KIF1B: variants seen among roughly 807,000 people sequenced by gnomAD.
KIF1B encodes the protein kinesin family member 1B, also known as kinesin-like protein KIF1B.
In KIF1B, 76 loss-of-function variants were observed where a neutral mutation model predicts 241.9. That is an observed-to-expected ratio of 0.31 (90% confidence interval 0.26 to 0.38). The LOEUF (loss-of-function observed/expected upper bound fraction) is 0.38. Among genes scored for constraint, KIF1B ranks in the 10% least tolerant of loss-of-function variants. The probability of loss-of-function intolerance (pLI) is 1.00; values close to 1 mark genes in which losing one functional copy is unlikely to be tolerated. For missense variants in KIF1B, 1,622 were observed against 2,271.4 expected, an observed-to-expected ratio of 0.71 and a Z score of 5.81; for synonymous variants, 750 against 796.7, an observed-to-expected ratio of 0.94 and a Z score of 0.99.
At chr1:10,267,836 G>A (rs373811204) in intron 6 of KIF1B, among the ~76,000 whole-genome samples, 1 of 152,058 alleles carries the variant, frequency 6.6e-6, no homozygotes. Context: ...GTATATATGC[G>A]GCTGTGGTAG....
intron 37 of KIF1B, among the ~76,000 whole-genome samples, chr1:10,351,077 A>AAC (rs1461622971): frequency 3.4e-5 from 5 of 145,802 alleles, no homozygotes; most frequent in Non-Finnish European, 7.8e-5. Context: ...CCCTGTCAAA[A>AAC]AAAAAAAAAA....
chr1:10,238,839 A>T (rs1647094450), intron 2 of KIF1B, among the ~76,000 whole-genome samples: 1 of 152,228 alleles, frequency 6.6e-6, no homozygotes, highest in Admixed American at 6.5e-5. Context: ...TAAATTATGA[A>T]CATTGTGAAT....
At position 10,378,272 on chromosome 1, in the gene KIF1B, G is replaced by A; in HGVS notation, c.*1685G>A. ...CGTGTTCCCTGCTCCTCTCCATCTG[G>A]TGTGGAAACACTGCCCAGGGAGAAA... On this transcript the variant is annotated 3_prime_UTR_variant, in exon 49 of 49. Coordinates refer to ENST00000676179, the MANE Select transcript of KIF1B (RefSeq NM_001365951.3). 1.4e-6 allele frequency: 1 copy of A among 716,754 alleles called. No individual in the cohort carries two copies. Among genetic ancestry groups the A allele is most frequent in the Non-Finnish European group, 2.6e-6 (1 of 384,898 alleles). The allele number at this position is 716,754 out of a possible 1,614,324, so 44.4% of individuals were successfully genotyped here. A position where few individuals can be genotyped will look rare whatever the true frequency, so the allele number is the denominator to read the frequency against.
intron 5 of KIF1B, among the ~76,000 whole-genome samples, chr1:10,264,991 C>T (rs1648370172): frequency 1.3e-5 from 2 of 151,382 alleles, no homozygotes; most frequent in African/African-American, 4.9e-5. Flanking sequence ...TTTTTTAAGA[C>T]AAGGTCTTGC....
At chr1:10,275,924 T>C (rs1414712174) in intron 11 of KIF1B, among the ~76,000 whole-genome samples, 2 of 137,870 alleles carry the variant, frequency 1.5e-5, no homozygotes, top group African/African-American at 5.7e-5. Flanking sequence ...TTTTTTTTTT[T>C]GAGATGGAGT....
At chr1:10,304,788 A>G (rs1650744627) in intron 22 of KIF1B, 3 of 1,511,592 alleles carry the variant, frequency 2.0e-6, no homozygotes, top group African/African-American at 2.8e-5. Flanking sequence ...TTAAGACAAA[A>G]CACTGGTAAA....
intron 32 of KIF1B, 133 bp from the exon 33 acceptor site, chr1:10,341,917 C>T (rs1652407035): frequency 1.4e-6 from 1 of 706,940 alleles, no homozygotes; most frequent in African/African-American, 1.8e-5. Context: ...GCCGCATGAG[C>T]CTTGTTTGCG....
chr1:10,265,480 C>T (rs1475387557), intron 5 of KIF1B, among the ~76,000 whole-genome samples: 1 of 152,056 alleles, frequency 6.6e-6, no homozygotes, highest in Non-Finnish European at 1.5e-5. Context: ...AAGCAATCTG[C>T]CCACCTTGAC....
Position 10,261,899 on chromosome 1 carries a change from C to G in KIF1B, c.364-6C>G, listed in dbSNP as rs1020574675. On this transcript the variant is annotated splice_region_variant and splice_polypyrimidine_tract_variant and intron_variant, in intron 4 of 48. Coordinates refer to ENST00000676179, the MANE Select transcript of KIF1B (RefSeq NM_001365951.3). ...TCTTCATGCCTCTCTCATTCTACTTCCCTAGTTATGTGAAGAACTTTTTGA... is the reference window on the plus strand; with the variant it reads ...TCTTCATGCCTCTCTCATTCTACTTGCCTAGTTATGTGAAGAACTTTTTGA... The G allele has an allele frequency of 2.5e-6, 4 of 1,594,576 alleles. No individual in the cohort carries two copies. Among genetic ancestry groups the G allele is most frequent in the Non-Finnish European group, 3.4e-6 (4 of 1,162,338 alleles).
intron 3 of KIF1B, 111 bp downstream of exon 3, chr1:10,256,434 G>C (rs1376295272): frequency 2.6e-6 from 2 of 782,302 alleles, no homozygotes; most frequent in Non-Finnish European, 4.6e-6. Flanking sequence ...CTTAACTGTT[G>C]TGTAGCATGA....
chr1:10,258,706 C>T (rs371733271), intron 4 of KIF1B, 34 bp downstream of exon 4: 2 of 1,600,750 alleles, frequency 1.2e-6, no homozygotes, highest in Non-Finnish European at 1.7e-6. Flanking sequence ...ATCTTCTCTT[C>T]ATTATTAGTG....
chr1:10,252,386 T>TTGTTG (rs1647503565), intron 2 of KIF1B, among the ~76,000 whole-genome samples: 11 of 149,824 alleles, frequency 7.3e-5, no homozygotes, highest in African/African-American at 2.7e-4. Context: ...TTGTGGGGTT[T>TTGTTG]TTGTTGTTGT....
In KIF1B at chr1:10,379,406, C is replaced by A. The variant is rs1050522204; in HGVS notation, c.*2819C>A. The A allele has an allele frequency of 4.3e-6, 1 of 231,214 alleles. No individual in the cohort carries two copies. The highest frequency in any genetic ancestry group is 8.6e-6 in the Non-Finnish European group (1 of 116,584). The allele number at this position is 231,214 out of a possible 1,614,324, so 14.3% of individuals were successfully genotyped here. A position where few individuals can be genotyped will look rare whatever the true frequency, so the allele number is the denominator to read the frequency against. ...CCTGCGTGCTCTTCACCCTCTGGGG[C>A]GCCCCTGCTGCGGCTGGCAGGTGCA... On this transcript the variant is annotated 3_prime_UTR_variant, in exon 49 of 49. Transcript: ENST00000676179.
At chr1:10,331,592 A>G (rs1199975531) in intron 27 of KIF1B, among the ~76,000 whole-genome samples, 2 of 152,084 alleles carry the variant, frequency 1.3e-5, no homozygotes, top group East Asian at 3.8e-4. Flanking sequence ...CATAATTTTC[A>G]TTACTTTGAG....
intron 2 of KIF1B, among the ~76,000 whole-genome samples, chr1:10,240,452 C>T (rs531626527): frequency 3.9e-5 from 6 of 152,232 alleles, no homozygotes; most frequent in African/African-American, 1.4e-4. Context: ...AAGTAATCCA[C>T]CTGTCTTGTC....
intron 22 of KIF1B, among the ~76,000 whole-genome samples, chr1:10,309,395 G>C (rs557177132): frequency 6.6e-6 from 1 of 152,332 alleles, no homozygotes; most frequent in East Asian, 1.9e-4. Context: ...AGTGTGATAT[G>C]TGTAGTGACA....
At chr1:10,214,673 C>A (rs1646739873) in intron 1 of KIF1B, among the ~76,000 whole-genome samples, 1 of 151,282 alleles carries the variant, frequency 6.6e-6, no homozygotes, top group South Asian at 2.1e-4. Context: ...ACCTCCACCT[C>A]CTGGGTTCAA....
chr1:10,339,799 C>T lies in KIF1B; in HGVS notation c.3453C>T (p.Ser1151=). Residue 1151 remains serine (S), a synonymous_variant, in exon 32 of 49, where the codon TCC becomes TCT. Transcript: ENST00000676179. ...NFLHRHDEAF[S]TEPLKNNGRG... is the part of the protein sequence containing the mutation. ...TGCATCGCCATGATGAAGCATTCTC[C>T]ACGGAGCCCCTCAAAAACAATGGCA... 1 of 1,614,074 alleles carries T rather than the reference C, an allele frequency of 6.2e-7. No homozygotes were observed. Among genetic ancestry groups the T allele is most frequent in the Non-Finnish European group, 8.5e-7 (1 of 1,179,980 alleles).
At chr1:10,361,518 G>A (rs928290436) in intron 39 of KIF1B, among the ~76,000 whole-genome samples, 174 bp from the exon 40 acceptor site, 1 of 152,160 alleles carries the variant, frequency 6.6e-6, no homozygotes. Context: ...CATCTCTAAG[G>A]AGTACTACCT....
Sources: allele counts gnomAD v4.1 joint callset (sites outside exome capture counted in the v4.1 genomes callset), GRCh38; gene constraint gnomAD v4.1.1; transcripts MANE v1.5; gene names NCBI Gene and HGNC (gene_info 2026-07-23, HGNC 2026-07-21).